The following HDAC9 variants were observed in gnomAD, a reference collection of about 807,000 sequenced individuals.
The protein encoded by HDAC9 is MEF-2 interacting transcription repressor (MITR) protein.
HDAC9 carries 41 observed loss-of-function variants against 139.4 expected under a neutral mutation model. That is an observed-to-expected ratio of 0.29 (90% CI 0.23 to 0.38). The LOEUF (loss-of-function observed/expected upper bound fraction) is 0.38, where lower values mean the gene tolerates loss of function less well. Among genes scored for constraint, HDAC9 ranks in the 10% least tolerant of loss-of-function variants. The probability of loss-of-function intolerance (pLI) is 1.00; values close to 1 mark genes in which losing one functional copy is unlikely to be tolerated. For synonymous variants in HDAC9, 517 were observed against 476.2 expected (o/e 1.09, Z -1.12); for missense variants, 1,147 against 1,297.0 (o/e 0.88, Z 1.78).
chr7:18,160,178 A>G (rs553884954), intron 1 of HDAC9, among the ~76,000 whole-genome samples: 2 of 152,352 alleles, frequency 1.3e-5, no homozygotes, highest in South Asian at 2.1e-4. Flanking sequence ...TAAAAATCAC[A>G]CTAACTATGC....
intron 1 of HDAC9, among the ~76,000 whole-genome samples, chr7:18,299,599 A>G (rs1374763774): frequency 2.6e-5 from 4 of 152,176 alleles, no homozygotes; most frequent in Admixed American, 1.3e-4. Flanking sequence ...AGTCAGGAAA[A>G]AAAGGTTTAG....
chr7:18,161,068 C>G (rs1253133354), intron 1 of HDAC9, among the ~76,000 whole-genome samples: 1 of 152,110 alleles, frequency 6.6e-6, no homozygotes, highest in Non-Finnish European at 1.5e-5. Context: ...AACAGCACAT[C>G]AATATAATTT....
At chr7:18,221,574 A>C (rs181223111) in intron 2 of HDAC9, among the ~76,000 whole-genome samples, 8 of 152,278 alleles carry the variant, frequency 5.3e-5, no homozygotes, top group Admixed American at 3.9e-4. Flanking sequence ...AGATGTGTAC[A>C]CTGAGCTTCC....
At chr7:18,987,395 C>A (rs1160580643) in intron 25 of HDAC9, among the ~76,000 whole-genome samples, 1 of 152,162 alleles carries the variant, frequency 6.6e-6, no homozygotes, top group Admixed American at 6.5e-5. Context: ...ATTGAACCAG[C>A]CTTGCATCCC....
chr7:18,310,564 C>T (rs1048528290), intron 1 of HDAC9, among the ~76,000 whole-genome samples: 1 of 152,124 alleles, frequency 6.6e-6, no homozygotes, highest in Admixed American at 6.6e-5. Flanking sequence ...ATTATGCATA[C>T]ACTCACGTTT....
chr7:18,793,437 C>A lies in HDAC9; in HGVS notation c.2307C>A (p.Ala769=). The change falls in exon 17 of 26, where the codon GCC becomes GCA. Residue 769 remains alanine, a synonymous_variant. Transcript: ENST00000686413. The part of the protein sequence containing the change: ...GCVIELASKV[A]SGELKNGFAV... ...TCATCGAGCTGGCTTCCAAAGTGGC[C>A]TCAGGAGAGCTGAAGGTGAGGTCCG... 6.3e-7 allele frequency: 1 copy of A among 1,575,892 alleles called. No individual in the cohort carries two copies. Among genetic ancestry groups the A allele is most frequent in the Non-Finnish European group, 8.6e-7 (1 of 1,160,144 alleles).
chr7:18,505,317 G>T (rs895772625), intron 2 of HDAC9, among the ~76,000 whole-genome samples: 2 of 152,124 alleles, frequency 1.3e-5, no homozygotes, highest in Non-Finnish European at 2.9e-5. Context: ...TTAGCATTAT[G>T]GGGTTCATTT....
At chr7:18,937,238 C>T (rs1781705732) in intron 23 of HDAC9, among the ~76,000 whole-genome samples, 1 of 151,788 alleles carries the variant, frequency 6.6e-6, no homozygotes, top group Non-Finnish European at 1.5e-5. Context: ...CGGGGTTTCA[C>T]CATGTTGGCT....
intron 16 of HDAC9, among the ~76,000 whole-genome samples, chr7:18,777,342 GTTGGT>G (rs1198281219): frequency 0.068 from 8 of 118 alleles, no homozygotes; most frequent in Admixed American, 0.33. Context: ...TTGCAAGTGG[GTTGGT>G]TTTTTTCCTT....
At chr7:18,665,332 A>G (rs1423744224) in intron 11 of HDAC9, among the ~76,000 whole-genome samples, 1 of 152,138 alleles carries the variant, frequency 6.6e-6, no homozygotes, top group Non-Finnish European at 1.5e-5. Context: ...GTGAAATAAA[A>G]CAAATGACCA....
At chr7:18,205,193 AT>A (rs1344781584) in intron 2 of HDAC9, among the ~76,000 whole-genome samples, 2 of 151,908 alleles carry the variant, frequency 1.3e-5, no homozygotes, top group Non-Finnish European at 2.9e-5. Context: ...GTTGTTTTAA[AT>A]TTCCCCTTTA....
chr7:18,383,783 G>C (rs2128716317), intron 1 of HDAC9, among the ~76,000 whole-genome samples: 1 of 151,384 alleles, frequency 6.6e-6, no homozygotes, highest in East Asian at 1.9e-4. Flanking sequence ...CAGCTACACG[G>C]AAGGCTGAGG....
At chr7:18,573,935 G>A (rs1042364369) in intron 2 of HDAC9, among the ~76,000 whole-genome samples, 3 of 152,180 alleles carry the variant, frequency 2.0e-5, no homozygotes, top group Admixed American at 2.0e-4. Flanking sequence ...CATGGCAAGC[G>A]GGAGGGTGTG....
intron 6 of HDAC9, among the ~76,000 whole-genome samples, chr7:18,601,515 A>G (rs540336302): frequency 6.6e-6 from 1 of 151,716 alleles, no homozygotes; most frequent in African/African-American, 2.4e-5. Context: ...TGATGTTGAG[A>G]TGTCGAGCAG....
At chr7:18,715,704 G>A (rs536222312) in intron 12 of HDAC9, among the ~76,000 whole-genome samples, 1 of 152,254 alleles carries the variant, frequency 6.6e-6, no homozygotes, top group South Asian at 2.1e-4. Context: ...TATTATCAAT[G>A]TTAAATCTAG....
chr7:18,357,742 G>C (rs1459989304), intron 1 of HDAC9, among the ~76,000 whole-genome samples: 2 of 152,114 alleles, frequency 1.3e-5, no homozygotes, highest in African/African-American at 4.8e-5. Context: ...GAGGAACAGA[G>C]TATGAGAAGG....
chr7:18,266,542 C>T (rs1340761569), intron 2 of HDAC9, among the ~76,000 whole-genome samples: 1 of 152,144 alleles, frequency 6.6e-6, no homozygotes, highest in Non-Finnish European at 1.5e-5. Flanking sequence ...CGTCCCATCT[C>T]ATCACACAGA....
chr7:18,773,074 G>A (rs1409306813), intron 16 of HDAC9, among the ~76,000 whole-genome samples: 1 of 151,994 alleles, frequency 6.6e-6, no homozygotes, highest in Non-Finnish European at 1.5e-5. Flanking sequence ...TTGCAGGAAA[G>A]AAGAAAATGA....
At chr7:18,777,277 C>T (rs1235826647) in intron 16 of HDAC9, among the ~76,000 whole-genome samples, 1 of 152,020 alleles carries the variant, frequency 6.6e-6, no homozygotes, top group Admixed American at 6.6e-5. Flanking sequence ...ATACAGTACT[C>T]CAACACCTGC....
Sources: gnomAD v4.1 joint callset for allele counts (sites outside exome capture counted in the v4.1 genomes callset) on GRCh38, gnomAD v4.1.1 for gene constraint, MANE v1.5 for transcripts, NCBI Gene and HGNC (gene_info 2026-07-23, HGNC 2026-07-21) for gene names.